SNAP91: variants seen among roughly 807,000 people sequenced by gnomAD.
SNAP91 encodes clathrin coat assembly protein AP180.
In SNAP91, 27 loss-of-function variants were observed where a neutral mutation model predicts 100.3. The observed-to-expected ratio is 0.27, with a 90% CI of 0.20 to 0.37. SNAP91 has a LOEUF of 0.37. Ranked by LOEUF, SNAP91 falls within the 10% of genes least tolerant of loss-of-function variation. The pLI is 1.00. For synonymous variants in SNAP91, 404 were observed against 398.6 expected, an observed-to-expected ratio of 1.01 and a Z score of -0.16; for missense variants, 986 against 1,123.7, an observed-to-expected ratio of 0.88 and a Z score of 1.75.
intron 2 of SNAP91, among the ~76,000 whole-genome samples, chr6:83,698,560 GAAAAAC>G (rs1230528191): frequency 6.6e-6 from 1 of 152,002 alleles, no homozygotes; most frequent in East Asian, 1.9e-4. Flanking sequence ...AAAATTAAGA[GAAAAAC>G]AAAAACAAAA....
chr6:83,559,935 T>C (rs890877615), intron 28 of SNAP91, among the ~76,000 whole-genome samples, 169 bp downstream of exon 28: 10 of 151,968 alleles, frequency 6.6e-5, no homozygotes, highest in East Asian at 1.9e-4. Context: ...CATCACTTTT[T>C]CCCCCCCAAA....
intron 12 of SNAP91, among the ~76,000 whole-genome samples, chr6:83,610,449 G>A (rs1028235162): frequency 6.6e-6 from 1 of 151,196 alleles, no homozygotes; most frequent in Admixed American, 6.6e-5. Context: ...CCAGGGGATC[G>A]GGGAGAGAGG....
chr6:83,588,576 G>A (rs1226500490), intron 22 of SNAP91, among the ~76,000 whole-genome samples: 9 of 152,162 alleles, frequency 5.9e-5, no homozygotes, highest in Non-Finnish European at 1.3e-4. Flanking sequence ...TGCAGCTGTG[G>A]CACAGGTATG....
At chr6:83,682,272 G>A (rs1315844969) in intron 2 of SNAP91, among the ~76,000 whole-genome samples, 2 of 150,834 alleles carry the variant, frequency 1.3e-5, no homozygotes, top group Non-Finnish European at 2.9e-5. Context: ...CAACCTCTTG[G>A]GCTCAAGAGA....
chr6:83,705,063 T>C (rs1375941197), intron 2 of SNAP91, among the ~76,000 whole-genome samples: 1 of 152,234 alleles, frequency 6.6e-6, no homozygotes, highest in Non-Finnish European at 1.5e-5. Context: ...ATAATGCATA[T>C]AACATATACA....
At chr6:83,709,358 G>C (rs1280225002), upstream of SNAP91, 2 of 152,418 alleles carry the variant, frequency 1.3e-5, no homozygotes, top group African/African-American at 2.4e-5. Flanking sequence ...GCGCCGGGCC[G>C]CCCCTCCGCT....
chr6:83,594,548 A>G, intron 16 of SNAP91, 67 bp from the exon 17 acceptor site: 1 of 1,009,200 alleles, frequency 9.9e-7, no homozygotes, highest in Non-Finnish European at 1.4e-6. Flanking sequence ...CAGTAAAAGA[A>G]CCAAGTTAAA....
chr6:83,564,245 A>G (rs983227754), intron 26 of SNAP91, among the ~76,000 whole-genome samples: 1 of 152,058 alleles, frequency 6.6e-6, no homozygotes, highest in African/African-American at 2.4e-5. Context: ...ATCCAGCCCA[A>G]TATGTCAGAC....
At chr6:83,562,755 T>C (rs2127882436) in intron 26 of SNAP91, among the ~76,000 whole-genome samples, 1 of 152,296 alleles carries the variant, frequency 6.6e-6, no homozygotes, top group East Asian at 1.9e-4. Flanking sequence ...AACCTACCAA[T>C]TAAATTCCTG....
intron 9 of SNAP91, among the ~76,000 whole-genome samples, chr6:83,618,223 T>G (rs1225904620): frequency 2.0e-5 from 3 of 151,914 alleles, no homozygotes; most frequent in South Asian, 4.1e-4. Context: ...GTGATTATTA[T>G]AAGTGTAAAT....
At chr6:83,653,200 G>C (rs1042468401) in intron 7 of SNAP91, among the ~76,000 whole-genome samples, 2 of 151,782 alleles carry the variant, frequency 1.3e-5, no homozygotes, top group Non-Finnish European at 2.9e-5. Context: ...TTTCCTTCTG[G>C]TATTCCATTA....
intron 2 of SNAP91, among the ~76,000 whole-genome samples, chr6:83,668,307 T>C (rs934456756): frequency 9.2e-5 from 14 of 152,194 alleles, no homozygotes; most frequent in African/African-American, 3.4e-4. Context: ...AAATACCATT[T>C]GACCCAGCCA....
intron 28 of SNAP91, among the ~76,000 whole-genome samples, chr6:83,559,236 A>G (rs1240662430): frequency 6.6e-6 from 1 of 152,198 alleles, no homozygotes; most frequent in African/African-American, 2.4e-5. Flanking sequence ...CCTGATCTTC[A>G]GGGAGGAACA....
chr6:83,695,622 C>A (rs890228844), intron 2 of SNAP91, among the ~76,000 whole-genome samples: 11 of 152,104 alleles, frequency 7.2e-5, no homozygotes, highest in Non-Finnish European at 1.6e-4. Flanking sequence ...ATATTGCCAA[C>A]CCACCCTCCC....
At chr6:83,677,779 T>C (rs2098931129) in intron 2 of SNAP91, among the ~76,000 whole-genome samples, 2 of 152,220 alleles carry the variant, frequency 1.3e-5, no homozygotes, top group African/African-American at 2.4e-5. Context: ...TAAATTGTCA[T>C]GGGATTCTCA....
chr6:83,573,752 C>T (rs372035285), intron 26 of SNAP91, among the ~76,000 whole-genome samples: 1 of 152,132 alleles, frequency 6.6e-6, no homozygotes, highest in Non-Finnish European at 1.5e-5. Flanking sequence ...TAGCCATATG[C>T]AGAAAGCTGA....
chr6:83,647,839 A>G (rs1054689120), intron 7 of SNAP91, among the ~76,000 whole-genome samples: 1 of 152,126 alleles, frequency 6.6e-6, no homozygotes, highest in African/African-American at 2.4e-5. Flanking sequence ...GTAAAGAAAG[A>G]TGTATTTGGC....
chr6:83,673,126 A>G (rs1255875116), intron 2 of SNAP91, among the ~76,000 whole-genome samples: 2 of 152,198 alleles, frequency 1.3e-5, no homozygotes, highest in Non-Finnish European at 2.9e-5. Context: ...TATATATGCA[A>G]GATTATTCAT....
At chr6:83,581,491 G>A (rs1828444368) in intron 23 of SNAP91, among the ~76,000 whole-genome samples, 2 of 152,144 alleles carry the variant, frequency 1.3e-5, no homozygotes, top group Admixed American at 6.5e-5. Flanking sequence ...TTGCTAATAT[G>A]TTATCTATGT....
Sources: gnomAD v4.1 joint callset for allele counts (sites outside exome capture counted in the v4.1 genomes callset) on GRCh38, gnomAD v4.1.1 for gene constraint, MANE v1.5 for transcripts, NCBI Gene and HGNC (gene_info 2026-07-23, HGNC 2026-07-21) for gene names.